RHBDL2: variants seen among roughly 807,000 people sequenced by gnomAD.
RHBDL2 encodes the protein rhomboid like 2.
Under a neutral mutation model 31.7 loss-of-function variants are expected in RHBDL2, and 26 were observed. That is an observed-to-expected ratio of 0.82 (90% CI 0.60 to 1.14). The LOEUF (loss-of-function observed/expected upper bound fraction) is 1.14, where lower values mean the gene tolerates loss of function less well. Among genes scored for constraint, RHBDL2 ranks in the 50% most tolerant of loss-of-function variants. RHBDL2 has a pLI of 0.00. For missense variants in RHBDL2, 336 were observed against 364.4 expected (o/e 0.92, Z 0.63); for synonymous variants, 123 against 127.2 (o/e 0.97, Z 0.22).
chr1:38,922,977 C>T (rs1252371169), intron 1 of RHBDL2, among the ~76,000 whole-genome samples: 1 of 152,018 alleles, frequency 6.6e-6, no homozygotes, highest in Non-Finnish European at 1.5e-5. Flanking sequence ...GTAATCCCAG[C>T]TACTCATGAG....
At position 38,940,337 on chromosome 1, in the gene RHBDL2, C is replaced by A. The variant is rs78728939; in HGVS notation, c.-126+1345G>T. On this transcript the variant is annotated intron_variant, in intron 1 of 7. Coordinates refer to ENST00000372990, the MANE Select transcript of RHBDL2 (RefSeq NM_017821.5). ...TTTACCACAAACCAGCACCTGACAC[C>A]TTCCCTAATCCCATGCCTATGTGGC... 8.5e-5 allele frequency among the ~76,000 whole-genome samples: 13 copies of A among 152,248 alleles called. No homozygotes were observed. In the East Asian group the frequency reaches 2.5e-3, roughly 29 times the overall value.
Position 38,923,709 on chromosome 1 carries a change from G to C in RHBDL2, c.-125-4372C>G, listed in dbSNP as rs117173740. On this transcript the variant is annotated intron_variant, in intron 1 of 7. Coordinates refer to ENST00000372990, the MANE Select transcript of RHBDL2 (RefSeq NM_017821.5). Reference sequence around the variant, plus strand: ...AAGAAATATTCAAGCATCAACATCTGTCCATTCATTTACTTGGCACTCGAG... The same window carrying C: ...AAGAAATATTCAAGCATCAACATCTCTCCATTCATTTACTTGGCACTCGAG... Among the ~76,000 whole-genome samples the C allele has an allele frequency of 4.7e-4, 72 of 152,308 alleles. 1 individual carries two copies. The East Asian group carries it at 9.4e-3, about 20-fold the overall frequency.
At chr1:38,931,539 GA>G (rs1296346476) in intron 1 of RHBDL2, among the ~76,000 whole-genome samples, 1 of 109,496 alleles carries the variant, frequency 9.1e-6, no homozygotes, top group African/African-American at 2.6e-5. Flanking sequence ...AAAAAGAAAA[GA>G]AAAAAGAAAA....
chr1:38,937,514 C>A (rs1643523809), intron 1 of RHBDL2, among the ~76,000 whole-genome samples: 1 of 152,052 alleles, frequency 6.6e-6, no homozygotes, highest in Non-Finnish European at 1.5e-5. Flanking sequence ...GACTTTTAGG[C>A]AAGAGTCCCT....
At chr1:38,910,428 T>G (rs114026082) in intron 4 of RHBDL2, among the ~76,000 whole-genome samples, 1,809 of 152,290 alleles carry the variant, frequency 0.012, 50 homozygotes, top group African/African-American at 0.042. Context: ...ATTAAAAGTT[T>G]AATTTTTTAA....
At chr1:38,925,495 C>T (rs1017442522) in intron 1 of RHBDL2, among the ~76,000 whole-genome samples, 26 of 149,448 alleles carry the variant, frequency 1.7e-4, no homozygotes, top group Non-Finnish European at 7.4e-5. Flanking sequence ...CCAGCCTGGG[C>T]GACAGAGTGA....
chr1:38,934,853 G>A (rs1643477019), intron 1 of RHBDL2, among the ~76,000 whole-genome samples: 1 of 151,526 alleles, frequency 6.6e-6, no homozygotes, highest in Non-Finnish European at 1.5e-5. Flanking sequence ...AGCTATTTGA[G>A]AGACTGAGGC....
At chr1:38,938,724 C>T (rs528893762) in intron 1 of RHBDL2, among the ~76,000 whole-genome samples, 4 of 152,332 alleles carry the variant, frequency 2.6e-5, no homozygotes, top group Admixed American at 2.6e-4. Context: ...CTACCACATG[C>T]TTAGCATTGT....
chr1:38,894,052 T>G (rs1333702188), intron 5 of RHBDL2, among the ~76,000 whole-genome samples: 3 of 152,224 alleles, frequency 2.0e-5, no homozygotes, highest in African/African-American at 7.2e-5. Flanking sequence ...GAAATAGGCA[T>G]GTTTACTCTA....
chr1:38,890,054 T>C (rs956139907), intron 6 of RHBDL2, among the ~76,000 whole-genome samples: 1 of 151,832 alleles, frequency 6.6e-6, no homozygotes, highest in Non-Finnish European at 1.5e-5. Context: ...TTTTTTTTTT[T>C]CAAGACGCAG....
At chr1:38,917,856 C>T (rs993268338) in intron 2 of RHBDL2, among the ~76,000 whole-genome samples, 3 of 152,192 alleles carry the variant, frequency 2.0e-5, no homozygotes, top group African/African-American at 7.2e-5. Context: ...TTTGCTTAAA[C>T]ATTATCCTAG....
Position 38,915,582 on chromosome 1 carries a change from T to C in RHBDL2, c.375A>G (p.Ser125=). Residue 125 remains serine (S), a synonymous_variant, in exon 3 of 8, where the codon TCA becomes TCG. Coordinates refer to ENST00000372990, the MANE Select transcript of RHBDL2 (RefSeq NM_017821.5). ...CTTACCCAGCATGTACCAGCATGTA[T>C]GAGATAAACCTCCAGGCTTCCTCCC... is the stretch of plus-strand genomic sequence containing the variant. The part of the protein sequence containing the change: ...EKREEAWRFI[S]YMLVHAGVQH... 1 of 1,613,742 alleles carries C rather than the reference T, an allele frequency of 6.2e-7. No individual in the cohort carries two copies. Among genetic ancestry groups the C allele is most frequent in the East Asian group, 2.2e-5 (1 of 44,880 alleles).
At chr1:38,928,105 TAAA>T (rs1451664142) in intron 1 of RHBDL2, among the ~76,000 whole-genome samples, 6 of 151,520 alleles carry the variant, frequency 4.0e-5, no homozygotes, top group Non-Finnish European at 8.8e-5. Flanking sequence ...AATAAATAAA[TAAA>T]TTGAAGATTT....
chr1:38,919,970 A>G (rs1488298522), intron 1 of RHBDL2, among the ~76,000 whole-genome samples: 1 of 152,064 alleles, frequency 6.6e-6, no homozygotes, highest in Non-Finnish European at 1.5e-5. Flanking sequence ...TTTTCATCAC[A>G]AACAAAAACC....
chr1:38,888,323 C>T (rs1217299828), intron 6 of RHBDL2, among the ~76,000 whole-genome samples: 1 of 150,870 alleles, frequency 6.6e-6, no homozygotes, highest in East Asian at 1.9e-4. Context: ...ACAGCCCTGA[C>T]TCATGGAGCT....
chr1:38,919,123 C>T lies in RHBDL2; in HGVS notation c.90G>A (p.Met30Ile). The T allele has an allele frequency of 6.2e-7, 1 of 1,614,158 alleles. No homozygotes were observed. The highest frequency in any genetic ancestry group is 8.5e-7 in the Non-Finnish European group (1 of 1,180,034). The change falls in exon 2 of 8, where the codon ATG (methionine) becomes ATA (isoleucine). Residue 30 changes from methionine (M) to isoleucine (I), a missense_variant. Physicochemically the swap from Met to Ile is conservative, Grantham distance 10. Coordinates refer to ENST00000372990, the MANE Select transcript of RHBDL2 (RefSeq NM_017821.5). Reference protein sequence around the residue: ...MKEELEEEEKMREDGGGKDRA... With the variant: ...MKEELEEEEKIREDGGGKDRA... ...GATCTTTACCTCCCCCATCCTCTCT[C>T]ATTTTCTCCTCTTCCTCCAGCTCTT...
intron 1 of RHBDL2, among the ~76,000 whole-genome samples, chr1:38,938,554 G>T (rs1412768547): frequency 6.6e-6 from 1 of 151,966 alleles, no homozygotes; most frequent in African/African-American, 2.4e-5. Context: ...CTCCCCATTT[G>T]TTGTCCCAGG....
chr1:38,891,913 G>A (rs1259064486), intron 6 of RHBDL2, among the ~76,000 whole-genome samples: 2 of 152,156 alleles, frequency 1.3e-5, no homozygotes, highest in African/African-American at 4.8e-5. Flanking sequence ...TTCTTCCACA[G>A]CCCTCCAGGT....
At chr1:38,929,565 C>A (rs1383830661) in intron 1 of RHBDL2, 1 of 1,288,480 alleles carries the variant, frequency 7.8e-7, no homozygotes, top group Non-Finnish European at 1.0e-6. Context: ...CTGGCCCCAC[C>A]CATTCATTGG....
Sources: allele counts gnomAD v4.1 joint callset (sites outside exome capture counted in the v4.1 genomes callset), GRCh38; gene constraint gnomAD v4.1.1; transcripts MANE v1.5; gene names NCBI Gene and HGNC (gene_info 2026-07-23, HGNC 2026-07-21).